Variants in ANKRD30B observed in about 807,000 individuals in gnomAD.
ANKRD30B encodes ankyrin repeat domain 30B.
Under a neutral mutation model 202.2 loss-of-function variants are expected in ANKRD30B, and 144 were observed. That is an observed-to-expected ratio of 0.71 (90% CI 0.62 to 0.82). The LOEUF (loss-of-function observed/expected upper bound fraction) is 0.82, where lower values mean the gene tolerates loss of function less well. Ranked by LOEUF, ANKRD30B falls within the 40% of genes least tolerant of loss-of-function variation. The pLI, the probability that ANKRD30B is intolerant of heterozygous loss-of-function variation, is 0.00. For synonymous variants in ANKRD30B, 508 were observed against 561.3 expected (o/e 0.91, Z 1.34); for missense variants, 1,487 against 1,669.1 (o/e 0.89, Z 1.90).
At chr18:14,771,899 A>C (rs1452602684) in intron 8 of ANKRD30B, among the ~76,000 whole-genome samples, 1 of 152,186 alleles carries the variant, frequency 6.6e-6, no homozygotes, top group Admixed American at 6.5e-5. Flanking sequence ...TTTCTTATGG[A>C]ACTAAGAGTC....
chr18:14,886,079 T>G, the ANKRD30B span, among the ~76,000 whole-genome samples: 1 of 151,936 alleles, frequency 6.6e-6, no homozygotes, highest in South Asian at 2.1e-4. Context: ...CAGTATAGAT[T>G]AGTCATTCTG....
chr18:14,851,924 A>T lies in ANKRD30B; in HGVS notation c.3980A>T (p.Asp1327Val). 6.2e-7 allele frequency: 1 copy of T among 1,605,006 alleles called. No homozygotes were observed. Among genetic ancestry groups the T allele is most frequent in the Non-Finnish European group, 8.5e-7 (1 of 1,174,806 alleles). Residue 1327 changes from aspartate to valine, a missense_variant, in exon 42 of 44, where the codon GAT becomes GTT. Around this residue, in one of 6 missense-constraint regions of ANKRD30B, gnomAD observed 182 missense variants for 216.0 expected, o/e 0.84. Coordinates refer to ENST00000690538, the MANE Select transcript of ANKRD30B (RefSeq NM_001367607.2). Reference protein sequence around the residue: ...NQELAFHSAGDAPLQGIMNVD... With the variant: ...NQELAFHSAGVAPLQGIMNVD... The stretch of plus-strand genomic sequence containing the variant: ...GAACTTGCTTTCCACAGTGCAGGAG[A>T]TGCTCCTTTGCAAGGAATAATGAAT...
At position 14,798,541 on chromosome 18, in the gene ANKRD30B, C is replaced by T. The variant is rs548711467; in HGVS notation, c.2030-560C>T. Among the ~76,000 whole-genome samples the T allele has an allele frequency of 6.6e-5, 10 of 152,214 alleles. No individual in the cohort carries two copies. In the South Asian group the frequency reaches 8.3e-4, roughly 13 times the overall value. On this transcript the variant is annotated intron_variant, in intron 20 of 43. Coordinates refer to ENST00000690538, the MANE Select transcript of ANKRD30B (RefSeq NM_001367607.2). The stretch of plus-strand genomic sequence containing the variant: ...ATGTGAAGCTACACAACCGGTTAGA[C>T]CAGAAATTCTCAGAAGGGAGTATGC...
chr18:14,852,290 CA>C lies in ANKRD30B; in HGVS notation c.4348del (p.Ile1450LeufsTer8). The C allele has an allele frequency of 5.2e-6, 8 of 1,544,416 alleles. No homozygotes were observed. Among genetic ancestry groups the C allele is most frequent in the Non-Finnish European group, 7.0e-6 (8 of 1,144,910 alleles). On this transcript the variant is annotated frameshift_variant, in exon 42 of 44. Transcript: ENST00000690538. LOFTEE classifies it high-confidence loss of function. Reference protein sequence around the residue: ...AHKKVNKSKVTINIQFPEMKM... With the variant: ...AHKKVNKSKVXINIQFPEMKM... ...AAGAAAGTTAACAAAAGCAAGGTAA[CA>C]ATTAATATTCAGTTTCCTGAGATGA...
In ANKRD30B at chr18:14,808,847, G is replaced by A. The variant is rs45568338; in HGVS notation, c.2386+103G>A. The A allele has an allele frequency of 4.4e-3, 5,212 of 1,184,512 alleles. 76 individuals carry two copies. The highest frequency in any genetic ancestry group is 5.0e-3 in the Non-Finnish European group (4,284 of 861,914). The allele number at this position is 1,184,512 out of a possible 1,614,324, so 73.4% of individuals were successfully genotyped here. A position where few individuals can be genotyped will look rare whatever the true frequency, so the allele number is the denominator to read the frequency against. ...AATGTTGTTTTCTTTAGAAAATTTG[G>A]TGGGAAAATTTGATACAAATAATGC... On this transcript the variant is annotated intron_variant, in intron 26 of 43. Transcript: ENST00000690538.
chr18:14,930,838 G>T, the ANKRD30B span, among the ~76,000 whole-genome samples: 115 of 152,300 alleles, frequency 7.6e-4, 1 homozygote, highest in Non-Finnish European at 5.4e-4. Context: ...AATAGCATTT[G>T]CCTTGAATGC....
the ANKRD30B span, among the ~76,000 whole-genome samples, chr18:14,910,878 G>A: frequency 3.3e-5 from 5 of 152,128 alleles, no homozygotes; most frequent in Non-Finnish European, 7.4e-5. Context: ...CTAATGATTA[G>A]TGATGTTCAG....
At chr18:14,775,858 T>G (rs1598601677) in intron 9 of ANKRD30B, among the ~76,000 whole-genome samples, 1 of 152,342 alleles carries the variant, frequency 6.6e-6, no homozygotes, top group Non-Finnish European at 1.5e-5. Context: ...CTATGGGAAC[T>G]TGGAAAAAAT....
intron 32 of ANKRD30B, among the ~76,000 whole-genome samples, chr18:14,823,830 C>A (rs1348318992): frequency 1.3e-5 from 2 of 152,060 alleles, no homozygotes; most frequent in Non-Finnish European, 2.9e-5. Flanking sequence ...CAAACAATAG[C>A]CGGTTGTGGT....
At chr18:14,795,484 A>G (rs914772130) in intron 16 of ANKRD30B, among the ~76,000 whole-genome samples, 4 of 152,234 alleles carry the variant, frequency 2.6e-5, no homozygotes, top group South Asian at 4.1e-4. Context: ...GGCATGAGCC[A>G]TGCCACCTGG....
chr18:14,928,659 G>A, the ANKRD30B span, among the ~76,000 whole-genome samples: 1 of 152,204 alleles, frequency 6.6e-6, no homozygotes, highest in African/African-American at 2.4e-5. Flanking sequence ...TGAGTCTCCA[G>A]ATTGCAGATG....
intron 22 of ANKRD30B, 64 bp downstream of exon 22, chr18:14,799,359 CACCT>C: frequency 7.3e-7 from 1 of 1,371,276 alleles, no homozygotes; most frequent in South Asian, 1.5e-5. Flanking sequence ...AAATGCTGAG[CACCT>C]TTTTATTCCC....
At chr18:14,897,634 A>G in the ANKRD30B span, among the ~76,000 whole-genome samples, 3 of 152,208 alleles carry the variant, frequency 2.0e-5, no homozygotes, top group Non-Finnish European at 4.4e-5. Context: ...GCTAATCTGT[A>G]TATTTTATTT....
At chr18:14,894,584 T>C in the ANKRD30B span, among the ~76,000 whole-genome samples, 3 of 152,176 alleles carry the variant, frequency 2.0e-5, no homozygotes, top group African/African-American at 7.2e-5. Context: ...GTTTGATATT[T>C]AGCCAATCAG....
intron 30 of ANKRD30B, among the ~76,000 whole-genome samples, chr18:14,820,270 A>G (rs976601023): frequency 1.6e-4 from 24 of 152,268 alleles, no homozygotes; most frequent in African/African-American, 5.8e-4. Context: ...GGGTTGAGAC[A>G]ATGGGGTTTT....
chr18:14,796,450 A>G (rs1968899928), intron 18 of ANKRD30B, 35 bp downstream of exon 18: 5 of 1,522,746 alleles, frequency 3.3e-6, no homozygotes, highest in Non-Finnish European at 4.4e-6. Flanking sequence ...ATCTGTAATT[A>G]AGAATATTAA....
chr18:14,915,302 T>C, the ANKRD30B span, among the ~76,000 whole-genome samples: 1 of 152,202 alleles, frequency 6.6e-6, no homozygotes, highest in African/African-American at 2.4e-5. Flanking sequence ...TTGTTTTTTC[T>C]GTCCAGAAAA....
intron 16 of ANKRD30B, 122 bp downstream of exon 16, chr18:14,791,613 A>T: frequency 1.3e-6 from 1 of 743,206 alleles, no homozygotes; most frequent in Non-Finnish European, 2.2e-6. Flanking sequence ...GAAAAAAGAG[A>T]AGTGAAACGG....
chr18:14,866,693 G>A, the ANKRD30B span, among the ~76,000 whole-genome samples: 1 of 152,154 alleles, frequency 6.6e-6, no homozygotes, highest in Non-Finnish European at 1.5e-5. Flanking sequence ...TGGTGGGGTG[G>A]GTTGGGTGTG....
Sources: gnomAD v4.1 joint callset for allele counts (sites outside exome capture counted in the v4.1 genomes callset) on GRCh38, gnomAD v4.1.1 for gene constraint, gnomAD v4.1.1 regional missense constraint, MANE v1.5 for transcripts, NCBI Gene and HGNC (gene_info 2026-07-23, HGNC 2026-07-21) for gene names.